Variants in SPSB4 observed in about 807,000 individuals in gnomAD.
The protein encoded by SPSB4 is splA/ryanodine receptor domain and SOCS box containing 4, also known as SPRY domain-containing SOCS box protein 4.
SPSB4 carries 21 observed loss-of-function variants against 20.9 expected under a neutral mutation model. The ratio of observed to expected loss-of-function variants is 1.01; its 90% confidence interval spans 0.71 to 1.45. The LOEUF is 1.45. SPSB4 is among the 40% of genes most tolerant of loss of function. The pLI is 0.00. For synonymous variants in SPSB4, 207 were observed against 183.8 expected, an observed-to-expected ratio of 1.13 and a Z score of -1.02; for missense variants, 399 against 399.2, an observed-to-expected ratio of 1.00 and a Z score of 0.00.
chr3:141,140,408 T>C (rs1939305299), intron 2 of SPSB4, among the ~76,000 whole-genome samples: 1 of 152,244 alleles, frequency 6.6e-6, no homozygotes, highest in Admixed American at 6.5e-5. Flanking sequence ...AGAGGCGCTC[T>C]GAGTTTTAGA....
At chr3:141,090,182 C>T (rs536912915) in intron 2 of SPSB4, among the ~76,000 whole-genome samples, 2 of 152,304 alleles carry the variant, frequency 1.3e-5, no homozygotes, top group South Asian at 2.1e-4. Context: ...CACCATGTGT[C>T]CATGAGAAAG....
chr3:141,138,283 C>G (rs973648792), intron 2 of SPSB4, among the ~76,000 whole-genome samples: 6 of 152,166 alleles, frequency 3.9e-5, no homozygotes, highest in Admixed American at 6.5e-5. Flanking sequence ...TTCAAAAAAT[C>G]AGCTCCTGGA....
chr3:141,117,438 G>A (rs984947691), intron 2 of SPSB4, among the ~76,000 whole-genome samples: 1 of 152,168 alleles, frequency 6.6e-6, no homozygotes, highest in Non-Finnish European at 1.5e-5. Flanking sequence ...TTCATCTTCT[G>A]GCCAAGCTCT....
intron 2 of SPSB4, among the ~76,000 whole-genome samples, chr3:141,140,278 A>C (rs1265541371): frequency 6.6e-6 from 1 of 151,928 alleles, no homozygotes; most frequent in Non-Finnish European, 1.5e-5. Context: ...CATTGGTTCA[A>C]ACTTCCTCCT....
intron 1 of SPSB4, among the ~76,000 whole-genome samples, chr3:141,060,866 T>C (rs1194516155): frequency 6.6e-6 from 1 of 152,244 alleles, no homozygotes; most frequent in Non-Finnish European, 1.5e-5. Context: ...TCTTTTTCAG[T>C]ATACATTGAG....
intron 2 of SPSB4, among the ~76,000 whole-genome samples, chr3:141,135,338 T>TTTATTA (rs56836958): frequency 0.14 from 20,718 of 148,760 alleles, 1,851 homozygotes; most frequent in African/African-American, 0.25. Flanking sequence ...CAGTTTTTCT[T>TTTATTA]TTATTATTAT....
chr3:141,070,846 A>G (rs1010827998), intron 2 of SPSB4, among the ~76,000 whole-genome samples: 11 of 152,360 alleles, frequency 7.2e-5, no homozygotes, highest in Admixed American at 6.5e-4. Flanking sequence ...AAATGGAGGC[A>G]GACACGGGCA....
intron 2 of SPSB4, among the ~76,000 whole-genome samples, chr3:141,144,647 A>C (rs1172127563): frequency 6.6e-6 from 1 of 152,172 alleles, no homozygotes; most frequent in Non-Finnish European, 1.5e-5. Flanking sequence ...TTTATATTTC[A>C]CATTTAGAGC....
At chr3:141,104,084 G>A (rs1056354363) in intron 2 of SPSB4, among the ~76,000 whole-genome samples, 4 of 152,162 alleles carry the variant, frequency 2.6e-5, no homozygotes, top group Admixed American at 1.3e-4. Context: ...AATAATACCA[G>A]CATTAAACTA....
intron 2 of SPSB4, among the ~76,000 whole-genome samples, chr3:141,069,233 A>G (rs1364117743): frequency 2.0e-5 from 3 of 152,168 alleles, no homozygotes; most frequent in Admixed American, 6.5e-5. Context: ...TGAAAGGCCT[A>G]TTCATGGCCA....
At chr3:141,135,851 T>G (rs1939219710) in intron 2 of SPSB4, among the ~76,000 whole-genome samples, 2 of 152,210 alleles carry the variant, frequency 1.3e-5, no homozygotes, top group South Asian at 4.1e-4. Context: ...CCTTTGGGTA[T>G]ATACCCAGTA....
intron 2 of SPSB4, among the ~76,000 whole-genome samples, chr3:141,078,269 C>T (rs1938156943): frequency 6.6e-6 from 1 of 152,246 alleles, no homozygotes; most frequent in Non-Finnish European, 1.5e-5. Context: ...TGCTGTCTCT[C>T]ACCTGCCGAA....
chr3:141,051,807 AGGGGGCGC>A lies in SPSB4; in HGVS notation c.-338_-331del, dbSNP rs1936094724. 1 of 151,998 alleles carries A rather than the reference AGGGGGCGC, an allele frequency of 6.6e-6. No individual in the cohort carries two copies. Among genetic ancestry groups the A allele is most frequent in the African/African-American group, 2.4e-5 (1 of 41,374 alleles). The allele number at this position is 151,998 out of a possible 1,614,324, so 9.4% of individuals were successfully genotyped here. On this transcript the variant is annotated 5_prime_UTR_variant, in exon 1 of 3. The change creates a new upstream start codon in the 5' untranslated region. Transcript: ENST00000310546. The stretch of plus-strand genomic sequence containing the variant: ...AACTCCAGGCCATCCTGCAGCGCAG[AGGGGGCGC>A]TGCTGCCGGGCATCAGCCGTGAGGA...
Position 141,058,746 on chromosome 3 carries a change from G to T in SPSB4, c.-154+6754G>T, listed in dbSNP as rs1202605509. 4.6e-5 allele frequency among the ~76,000 whole-genome samples: 7 copies of T among 152,286 alleles called. No homozygotes were observed. In the East Asian group the frequency reaches 5.8e-4, roughly 13 times the overall value. On this transcript the variant is annotated intron_variant, in intron 1 of 2. Coordinates refer to ENST00000310546, the MANE Select transcript of SPSB4 (RefSeq NM_080862.3). Reference sequence around the variant, plus strand: ...GCATTTTTTGAACGAATAAATGAGGGTTGGAAGCAGGGAAGGATGCAAAGC... The same window carrying T: ...GCATTTTTTGAACGAATAAATGAGGTTTGGAAGCAGGGAAGGATGCAAAGC...
At chr3:141,086,540 G>T (rs901648458) in intron 2 of SPSB4, among the ~76,000 whole-genome samples, 3 of 152,214 alleles carry the variant, frequency 2.0e-5, no homozygotes, top group Non-Finnish European at 4.4e-5. Context: ...CAGTGTGGAC[G>T]TGTAAGTGGT....
At chr3:141,057,439 C>T (rs10439962) in intron 1 of SPSB4, among the ~76,000 whole-genome samples, 1 of 152,204 alleles carries the variant, frequency 6.6e-6, no homozygotes, top group Non-Finnish European at 1.5e-5. Context: ...GCTCTGCATT[C>T]CCAGTTCATT....
At chr3:141,094,655 T>C (rs905562579) in intron 2 of SPSB4, among the ~76,000 whole-genome samples, 3 of 152,000 alleles carry the variant, frequency 2.0e-5, no homozygotes, top group East Asian at 3.9e-4. Flanking sequence ...TGTAACAAAA[T>C]GCTCTCAAGT....
intron 2 of SPSB4, among the ~76,000 whole-genome samples, chr3:141,100,374 T>A (rs551839915): frequency 1.8e-4 from 27 of 152,184 alleles, no homozygotes; most frequent in Admixed American, 3.3e-4. Flanking sequence ...AATTTGGACA[T>A]AGACATGCAC....
intron 1 of SPSB4, among the ~76,000 whole-genome samples, chr3:141,060,132 C>T (rs192057442): frequency 1.3e-5 from 2 of 152,308 alleles, no homozygotes; most frequent in East Asian, 3.9e-4. Flanking sequence ...AGGATCTCTG[C>T]CTGCCTCTAG....
Sources: gnomAD v4.1 joint callset for allele counts (sites outside exome capture counted in the v4.1 genomes callset) on GRCh38, gnomAD v4.1.1 for gene constraint, MANE v1.5 for transcripts, NCBI Gene and HGNC (gene_info 2026-07-23, HGNC 2026-07-21) for gene names.